ADD3: variants seen among roughly 807,000 people sequenced by gnomAD.
ADD3 encodes gamma-adducin.
A neutral mutation model predicts 80.2 loss-of-function variants in ADD3; 25 were observed. The observed-to-expected ratio is 0.31, with a 90% CI of 0.23 to 0.44. ADD3 has a LOEUF of 0.44. Among genes scored for constraint, ADD3 ranks in the 20% least tolerant of loss-of-function variants. The pLI is 1.00. For missense variants in ADD3, 829 were observed against 847.5 expected (o/e 0.98, Z 0.27); for synonymous variants, 284 against 289.6 (o/e 0.98, Z 0.20).
chr10:110,133,258 G>A, intron 14 of ADD3, 68 bp from the exon 15 acceptor site: 4 of 1,470,708 alleles, frequency 2.7e-6, no homozygotes, highest in Non-Finnish European at 3.6e-6. Flanking sequence ...AAACATTTCA[G>A]TTTTGTAAAG....
intron 6 of ADD3, among the ~76,000 whole-genome samples, chr10:110,118,989 A>G (rs779097672): frequency 5.3e-5 from 8 of 152,214 alleles, no homozygotes; most frequent in Non-Finnish European, 7.3e-5. Context: ...AGCTTCTTTC[A>G]TAATATTTGA....
In ADD3 at chr10:110,120,650, C is replaced by G. The variant is rs565862254; in HGVS notation, c.960+1086C>G. Among the ~76,000 whole-genome samples the G allele has an allele frequency of 4.9e-4, 74 of 152,256 alleles. No homozygotes were observed. In the Middle Eastern group the frequency reaches 0.01, roughly 21 times the overall value. ...TCAAGATCCCTGAGGAATCGCCACA[C>G]TGACTTCCACAATGGTTGAACTAGA... is the stretch of plus-strand genomic sequence containing the variant. On this transcript the variant is annotated intron_variant, in intron 8 of 14. Coordinates refer to ENST00000356080, the MANE Select transcript of ADD3 (RefSeq NM_016824.5).
chr10:110,021,120 A>G (rs1422368379), intron 1 of ADD3, among the ~76,000 whole-genome samples: 1 of 152,204 alleles, frequency 6.6e-6, no homozygotes, highest in Non-Finnish European at 1.5e-5. Context: ...AAGTATTTCT[A>G]TACATCTTTA....
In ADD3 at chr10:110,133,204, A is replaced by G; in HGVS notation, c.1829-122A>G. On this transcript the variant is annotated intron_variant, in intron 14 of 14. Transcript: ENST00000356080. Reference sequence around the variant, plus strand: ...TAGATCACAGTTTATTAAAATAATGATCTGTCTTCATTGGAATCAAAGTAA... The same window carrying G: ...TAGATCACAGTTTATTAAAATAATGGTCTGTCTTCATTGGAATCAAAGTAA... The G allele has an allele frequency of 3.3e-6, 3 of 922,012 alleles. No homozygotes were observed. The South Asian group carries it at 8.6e-5, about 26-fold the overall frequency. 57.1% of individuals were successfully genotyped at this position (922,012 alleles called of 1,614,324 possible).
intron 3 of ADD3, among the ~76,000 whole-genome samples, chr10:110,115,895 A>G (rs1850671128): frequency 6.6e-6 from 1 of 152,228 alleles, no homozygotes; most frequent in African/African-American, 2.4e-5. Context: ...ATAGAAAAGT[A>G]GCTTTCTGTT....
intron 1 of ADD3, among the ~76,000 whole-genome samples, chr10:110,026,180 A>T (rs1319405557): frequency 6.6e-6 from 1 of 152,088 alleles, no homozygotes; most frequent in East Asian, 1.9e-4. Context: ...TTTGGAAAGG[A>T]ATGTATTTAA....
chr10:110,024,855 CA>C (rs1854092910), intron 1 of ADD3, among the ~76,000 whole-genome samples: 1 of 151,162 alleles, frequency 6.6e-6, no homozygotes, highest in African/African-American at 2.4e-5. Context: ...GGACATGGAA[CA>C]AAATAAGGCA....
intron 2 of ADD3, chr10:110,106,159 T>C (rs1247996046): frequency 6.6e-6 from 1 of 151,904 alleles, no homozygotes; most frequent in East Asian, 1.9e-4. Context: ...TTTTTAACTT[T>C]TTGCCCCAAT....
At chr10:110,060,433 A>T (rs1344403352) in intron 1 of ADD3, among the ~76,000 whole-genome samples, 2 of 152,236 alleles carry the variant, frequency 1.3e-5, no homozygotes, top group Non-Finnish European at 2.9e-5. Context: ...TTTACAAGAA[A>T]GTCCCAAAAG....
intron 2 of ADD3, among the ~76,000 whole-genome samples, chr10:110,105,037 A>G (rs1849256074): frequency 6.6e-6 from 1 of 152,192 alleles, no homozygotes; most frequent in Admixed American, 6.6e-5. Flanking sequence ...AGAGTTTATA[A>G]TCACAAGACA....
upstream of ADD3, among the ~76,000 whole-genome samples, chr10:110,007,657 C>T (rs1026234685): frequency 6.6e-6 from 1 of 152,184 alleles, no homozygotes; most frequent in Non-Finnish European, 1.5e-5. Flanking sequence ...CCGAACCAGG[C>T]CCTCCCGGCT....
rs1436481428 is a variant in ADD3 at position 110,119,450 on chromosome 10, G to C, written c.862-16G>C. The C allele has an allele frequency of 1.2e-6, 2 of 1,613,546 alleles. No homozygotes were observed. Among genetic ancestry groups the C allele is most frequent in the Non-Finnish European group, 1.7e-6 (2 of 1,179,718 alleles). On this transcript the variant is annotated splice_polypyrimidine_tract_variant and intron_variant, in intron 7 of 14. Coordinates refer to ENST00000356080, the MANE Select transcript of ADD3 (RefSeq NM_016824.5). ...GCCAGTTATTTCAAGTGATTGCTGT[G>C]GGCATTCTATTTTAGGTGCTGGTAC...
rs772827121 is a variant in ADD3 at position 110,122,172 on chromosome 10, T to C, written c.1023T>C (p.Tyr341=). 1.8e-5 allele frequency: 29 copies of C among 1,614,072 alleles called. No homozygotes were observed. Among genetic ancestry groups the C allele is most frequent in the Non-Finnish European group, 2.3e-5 (27 of 1,180,006 alleles). The change falls in exon 9 of 15, where the codon TAT becomes TAC. Residue 341 remains tyrosine, a synonymous_variant. Coordinates refer to ENST00000356080, the MANE Select transcript of ADD3 (RefSeq NM_016824.5). The part of the protein sequence containing the change: ...DNLHVLDFQK[Y]KAFTYTVAAS... ...TCCATGTACTGGACTTTCAGAAGTATAAAGCTTTCACTTACACTGTAGCAG... is the reference window on the plus strand; with the variant it reads ...TCCATGTACTGGACTTTCAGAAGTACAAAGCTTTCACTTACACTGTAGCAG...
chr10:110,040,904 T>G (rs1589834830), intron 1 of ADD3, among the ~76,000 whole-genome samples: 1 of 148,370 alleles, frequency 6.7e-6, no homozygotes, highest in Admixed American at 6.7e-5. Flanking sequence ...AAAAAGAACT[T>G]GCACGCACGC....
intron 1 of ADD3, among the ~76,000 whole-genome samples, chr10:110,063,673 A>ATATATATAG (rs1491403763): frequency 3.4e-5 from 5 of 145,512 alleles, no homozygotes; most frequent in Admixed American, 2.0e-4. Flanking sequence ...CAAGTTTAAC[A>ATATATATAG]TATATATAGA....
At chr10:110,102,672 A>G (rs1407579103) in intron 2 of ADD3, among the ~76,000 whole-genome samples, 1 of 152,210 alleles carries the variant, frequency 6.6e-6, no homozygotes, top group African/African-American at 2.4e-5. Context: ...TAACTGAAAG[A>G]ATGAAGTGAA....
chr10:110,016,055 C>A (rs1852955350), intron 1 of ADD3, among the ~76,000 whole-genome samples: 1 of 152,144 alleles, frequency 6.6e-6, no homozygotes, highest in Non-Finnish European at 1.5e-5. Flanking sequence ...AGAGTGTCTG[C>A]CTTGACCAGT....
intron 1 of ADD3, among the ~76,000 whole-genome samples, chr10:110,090,745 A>G (rs2501574): frequency 0.61 from 92,564 of 152,052 alleles, 31,512 homozygotes; most frequent in African/African-American, 0.9. Flanking sequence ...TATCTTTTTT[A>G]AATGACTGCT....
intron 1 of ADD3, among the ~76,000 whole-genome samples, chr10:110,055,669 A>T (rs533206364): frequency 1.3e-5 from 2 of 152,344 alleles, no homozygotes; most frequent in East Asian, 3.9e-4. Context: ...TCCTGTCCTA[A>T]CTCAGCAACT....
Sources: allele counts gnomAD v4.1 joint callset (sites outside exome capture counted in the v4.1 genomes callset), GRCh38; gene constraint gnomAD v4.1.1; transcripts MANE v1.5; gene names NCBI Gene and HGNC (gene_info 2026-07-23, HGNC 2026-07-21).